ACOT11: variants seen among roughly 807,000 people sequenced by gnomAD.
ACOT11 encodes the protein acyl-CoA thioesterase 11, also known as acyl-coenzyme A thioesterase 11.
A neutral mutation model predicts 77.5 loss-of-function variants in ACOT11; 69 were observed. The ratio of observed to expected loss-of-function variants is 0.89; its 90% CI spans 0.73 to 1.09. The LOEUF (loss-of-function observed/expected upper bound fraction) is 1.09, where lower values mean the gene tolerates loss of function less well. ACOT11 is among the 50% of genes least tolerant of loss of function. ACOT11 has a pLI of 0.00. For synonymous variants in ACOT11, 279 were observed against 313.0 expected (o/e 0.89, Z 1.15); for missense variants, 766 against 813.7 (o/e 0.94, Z 0.71).
At chr1:54,610,917 T>C (rs1306955505), downstream of ACOT11, 7 of 984,904 alleles carry the variant, frequency 7.1e-6, no homozygotes, top group Non-Finnish European at 8.4e-6. Context: ...GAATGAGGGG[T>C]TTGGATAGTG....
chr1:54,633,409 T>TTA (rs761083733), intron 16 of ACOT11, among the ~76,000 whole-genome samples: 1 of 152,212 alleles, frequency 6.6e-6, no homozygotes, highest in African/African-American at 2.4e-5. Flanking sequence ...TATGGGAGCA[T>TTA]TACAGCCAGG....
At chr1:54,611,854 C>A, downstream of ACOT11, 3 of 1,306,450 alleles carry the variant, frequency 2.3e-6, no homozygotes, top group Non-Finnish European at 2.1e-6. Context: ...GAGCATCTGT[C>A]CTCCAGTCGC....
At position 54,580,378 on chromosome 1, in the gene ACOT11, C is replaced by T. The variant is rs541853976; in HGVS notation, c.34-4277C>T. Among the ~76,000 whole-genome samples the T allele has an allele frequency of 3.9e-5, 6 of 152,294 alleles. No individual in the cohort carries two copies. In the East Asian group the frequency reaches 1.2e-3, roughly 29 times the overall value. On this transcript the variant is annotated intron_variant, in intron 1 of 15. Coordinates refer to ENST00000343744, the MANE Select transcript of ACOT11 (RefSeq NM_147161.4). ...TTATCACTTTAGGGCATACCTTCTC[C>T]AGAAGTCTTCCATCGTTTCTGGGGA...
intron 1 of ACOT11, among the ~76,000 whole-genome samples, chr1:54,566,872 A>G (rs1292956829): frequency 1.3e-5 from 2 of 152,148 alleles, no homozygotes; most frequent in African/African-American, 4.8e-5. Flanking sequence ...CAAGAGTTCT[A>G]AGAGGCCTGG....
intron 1 of ACOT11, among the ~76,000 whole-genome samples, chr1:54,574,668 C>T (rs896926218): frequency 1.3e-5 from 2 of 152,132 alleles, no homozygotes; most frequent in African/African-American, 4.8e-5. Flanking sequence ...AGAGACCTCC[C>T]CATCATCCCC....
chr1:54,609,748 G>T lies in ACOT11; in HGVS notation c.*636G>T. On this transcript the variant is annotated 3_prime_UTR_variant, in exon 16 of 16. Coordinates refer to ENST00000343744, the MANE Select transcript of ACOT11 (RefSeq NM_147161.4). ...CAAGGCTGGAGAGGCGTGCCAGCAA[G>T]GCCAGGGATGGCCGGAGGGCTGCGG... 1 of 1,614,198 alleles carries T rather than the reference G, an allele frequency of 6.2e-7. No individual in the cohort carries two copies. The highest frequency in any genetic ancestry group is 1.1e-5 in the South Asian group (1 of 91,090).
intron 1 of ACOT11, among the ~76,000 whole-genome samples, chr1:54,562,382 T>A (rs1374848547): frequency 6.2e-5 from 4 of 64,056 alleles, no homozygotes; most frequent in South Asian, 1.4e-3. Flanking sequence ...CACTTCCCAG[T>A]AGGGGCAGCC....
rs1051756311 is a variant in ACOT11, at chr1:54,575,322, C to A, written c.34-9333C>A. On this transcript the variant is annotated intron_variant, in intron 1 of 15. Coordinates refer to ENST00000343744, the MANE Select transcript of ACOT11 (RefSeq NM_147161.4). ...ATGCCCTCCCTACTCCCCCAGGCCC[C>A]TGGTGGTCACCTCTGGGACAGGGGC... 2.0e-5 allele frequency among the ~76,000 whole-genome samples: 3 copies of A among 152,188 alleles called. No homozygotes were observed. In the East Asian group the frequency reaches 5.8e-4, roughly 29 times the overall value.
chr1:54,551,727 G>GT (rs1316023800), intron 1 of ACOT11, among the ~76,000 whole-genome samples: 1 of 149,488 alleles, frequency 6.7e-6, no homozygotes, highest in Non-Finnish European at 1.5e-5. Context: ...TTTTGTTTTT[G>GT]TTTTGTTTTG....
intron 1 of ACOT11, among the ~76,000 whole-genome samples, chr1:54,560,218 G>A (rs1653415937): frequency 6.6e-6 from 1 of 152,194 alleles, no homozygotes; most frequent in South Asian, 2.1e-4. Context: ...GCCAGGATGT[G>A]ACAGAGGGAA....
rs758478979 is a variant in ACOT11 at position 54,553,001 on chromosome 1, A to C, written c.33+4659A>C. On this transcript the variant is annotated intron_variant, in intron 1 of 15. Transcript: ENST00000343744. ...TGCCACCATGCCTGGCTAATTTTGC[A>C]TTTTTAGTAGAGATGGGGTTTCTCC... Among the ~76,000 whole-genome samples, 75 of 149,858 alleles carry C rather than the reference A, an allele frequency of 5.0e-4. 1 individual carries two copies. The highest frequency in any genetic ancestry group is 1.5e-4 in the Non-Finnish European group (10 of 67,560).
intron 1 of ACOT11, among the ~76,000 whole-genome samples, chr1:54,558,354 TAAC>T (rs1653344092): frequency 6.6e-6 from 1 of 152,242 alleles, no homozygotes; most frequent in African/African-American, 2.4e-5. Flanking sequence ...TTATTCCTTA[TAAC>T]AACTCTGTGA....
Position 54,607,554 on chromosome 1 carries a change from C to G in ACOT11, c.1502+289C>G, listed in dbSNP as rs1054222321. Among the ~76,000 whole-genome samples the G allele has an allele frequency of 1.3e-5, 2 of 152,158 alleles. No individual in the cohort carries two copies. Among genetic ancestry groups the G allele is most frequent in the African/African-American group, 4.8e-5 (2 of 41,448 alleles). ...CAGGCCTTGGGCAGGATATTTCTCA[C>G]GTGGCCACCTCCTTGGCCTCCTCCC... On this transcript the variant is annotated intron_variant, in intron 14 of 15. Transcript: ENST00000343744. The surrounding 1 kb of genome is among the most constrained non-coding windows in gnomAD (Gnocchi z 4.5).
chr1:54,630,204 A>G (rs1249449036), intron 15 of ACOT11, among the ~76,000 whole-genome samples: 2 of 112,066 alleles, frequency 1.8e-5, no homozygotes, highest in African/African-American at 5.6e-5. Flanking sequence ...TGGCCTGTTT[A>G]ATGTTTAAAG....
intron 15 of ACOT11, among the ~76,000 whole-genome samples, chr1:54,624,262 G>C (rs916001398): frequency 6.6e-6 from 1 of 152,154 alleles, no homozygotes; most frequent in African/African-American, 2.4e-5. Flanking sequence ...ATGTGAGGCT[G>C]TGATAGGCCA....
chr1:54,562,257 C>T (rs1314077779), intron 1 of ACOT11, among the ~76,000 whole-genome samples: 9 of 111,074 alleles, frequency 8.1e-5, no homozygotes, highest in South Asian at 3.3e-4. Context: ...GGCGGCTGGC[C>T]AGGCGGGGGG....
At chr1:54,577,549 A>G (rs1654158733) in intron 1 of ACOT11, among the ~76,000 whole-genome samples, 1 of 152,220 alleles carries the variant, frequency 6.6e-6, no homozygotes, top group Admixed American at 6.5e-5. Context: ...ATACATATAT[A>G]TTACAATTTA....
chr1:54,633,496 A>G (rs943619992), intron 16 of ACOT11, among the ~76,000 whole-genome samples: 1 of 152,170 alleles, frequency 6.6e-6, no homozygotes, highest in African/African-American at 2.4e-5. Flanking sequence ...TCTTTACTAT[A>G]CCTTTAGCTG....
Position 54,584,312 on chromosome 1 carries a change from C to T in ACOT11, c.34-343C>T, listed in dbSNP as rs1654420866. On this transcript the variant is annotated intron_variant, in intron 1 of 15. Coordinates refer to ENST00000343744, the MANE Select transcript of ACOT11 (RefSeq NM_147161.4). This position sits in a 1 kb window ranked among gnomAD's most constrained non-coding sequence, Gnocchi z 6.3. ...GAGAGGCGACTCTTTCCAGAATGAA[C>T]GTAAATCTAAGGCAACACTTTAAAC... Among the ~76,000 whole-genome samples the T allele has an allele frequency of 6.6e-6, 1 of 152,192 alleles. No individual in the cohort carries two copies. Among genetic ancestry groups the T allele is most frequent in the South Asian group, 2.1e-4 (1 of 4,822 alleles).
Sources: allele counts gnomAD v4.1 joint callset (sites outside exome capture counted in the v4.1 genomes callset), GRCh38; gene constraint gnomAD v4.1.1; non-coding constraint Gnocchi (gnomAD v3.1); transcripts MANE v1.5; gene names NCBI Gene and HGNC (gene_info 2026-07-23, HGNC 2026-07-21).